EPB41L2: variants seen among roughly 807,000 people sequenced by gnomAD.
The protein encoded by EPB41L2 is band 4.1-like protein 2.
Under a neutral mutation model 113.0 loss-of-function variants are expected in EPB41L2, and 43 were observed. That is an observed-to-expected ratio of 0.38 (90% confidence interval 0.30 to 0.49). The LOEUF (loss-of-function observed/expected upper bound fraction) is 0.49, where lower values mean the gene tolerates loss of function less well. Among genes scored for constraint, EPB41L2 ranks in the 20% least tolerant of loss-of-function variants. The probability of loss-of-function intolerance (pLI) is 0.95; values close to 1 mark genes in which losing one functional copy is unlikely to be tolerated. For synonymous variants in EPB41L2, 442 were observed against 436.7 expected, an observed-to-expected ratio of 1.01 and a Z score of -0.15; for missense variants, 1,147 against 1,223.4, an observed-to-expected ratio of 0.94 and a Z score of 0.93.
In EPB41L2 at chr6:131,034,513, C is replaced by T. The variant is rs556833026; in HGVS notation, c.-15+28642G>A. 2.7e-3 allele frequency among the ~76,000 whole-genome samples: 416 copies of T among 152,264 alleles called. 1 individual carries two copies. The highest frequency in any genetic ancestry group is 4.7e-3 in the Non-Finnish European group (319 of 68,022). ...CGCCACTCCACTCCAGCCTGGGCAA[C>T]AAATTGAGACCCTGTGTCAAAAAAA... On this transcript the variant is annotated intron_variant, in intron 1 of 19. Coordinates refer to ENST00000337057, the MANE Select transcript of EPB41L2 (RefSeq NM_001431.4).
At chr6:130,967,551 CA>C (rs971503526) in intron 1 of EPB41L2, among the ~76,000 whole-genome samples, 4 of 151,938 alleles carry the variant, frequency 2.6e-5, no homozygotes, top group African/African-American at 7.2e-5. Context: ...AAGTTGGGGA[CA>C]TTTTTTTTTA....
chr6:131,005,539 A>C (rs1984054), intron 1 of EPB41L2, among the ~76,000 whole-genome samples: 131,036 of 152,200 alleles, frequency 0.86, 56,968 homozygotes, highest in East Asian at 1. Context: ...GCCAGAATCT[A>C]AAGCCAAGCC....
In EPB41L2 at chr6:130,863,063, C is replaced by A. The variant is rs187111848; in HGVS notation, c.2910+575G>T. On this transcript the variant is annotated intron_variant, in intron 18 of 19. Transcript: ENST00000337057. ...GTTCCATTCATCACCTGCTCAAAGC[C>A]ATGCATGCTGCCAAATTTAACATTA... 4.6e-5 allele frequency among the ~76,000 whole-genome samples: 7 copies of A among 152,286 alleles called. No individual in the cohort carries two copies. The East Asian group carries it at 1.3e-3, about 29-fold the overall frequency.
chr6:130,942,651 G>A (rs544780300), intron 3 of EPB41L2, among the ~76,000 whole-genome samples: 6 of 152,220 alleles, frequency 3.9e-5, no homozygotes, highest in South Asian at 2.1e-4. Context: ...TGTGCAGAAC[G>A]TGCAGGTTTG....
intron 10 of EPB41L2, among the ~76,000 whole-genome samples, chr6:130,892,860 TA>T (rs1475617509): frequency 2.6e-5 from 4 of 152,208 alleles, no homozygotes; most frequent in African/African-American, 9.6e-5. Context: ...ATACTAGTAT[TA>T]CTATCATATA....
At chr6:130,896,322 C>A (rs987554388) in intron 8 of EPB41L2, among the ~76,000 whole-genome samples, 2 of 152,220 alleles carry the variant, frequency 1.3e-5, no homozygotes, top group Non-Finnish European at 2.9e-5. Context: ...TCACCCTTAT[C>A]TTGGCAGCCA....
intron 19 of EPB41L2, among the ~76,000 whole-genome samples, chr6:130,845,690 A>C (rs760459331): frequency 6.6e-6 from 1 of 152,162 alleles, no homozygotes; most frequent in Non-Finnish European, 1.5e-5. Flanking sequence ...CTGGCACCTT[A>C]TTCTTTACCA....
intron 19 of EPB41L2, among the ~76,000 whole-genome samples, chr6:130,855,677 T>C (rs1229361946): frequency 6.6e-6 from 1 of 152,192 alleles, no homozygotes; most frequent in Non-Finnish European, 1.5e-5. Context: ...AGAAGATATA[T>C]ACAAATAGAG....
intron 1 of EPB41L2, among the ~76,000 whole-genome samples, chr6:130,989,278 A>G (rs557019267): frequency 3.3e-5 from 5 of 152,276 alleles, no homozygotes; most frequent in East Asian, 1.9e-4. Context: ...ATTCTCCCCA[A>G]TTGACTCTCT....
At position 130,919,268 on chromosome 6, in the gene EPB41L2, A is replaced by G. The variant is rs1562486287; in HGVS notation, c.810+7337T>C. Among the ~76,000 whole-genome samples, 3 of 152,178 alleles carry G rather than the reference A, an allele frequency of 2.0e-5. No individual in the cohort carries two copies. The South Asian group carries it at 6.2e-4, about 32-fold the overall frequency. ...TATAATAAGGAATTATGAATTCCTT[A>G]TTTAGCATTAGTGTCTTTCTGTCAA... is the stretch of plus-strand genomic sequence containing the variant. On this transcript the variant is annotated intron_variant, in intron 4 of 19. Transcript: ENST00000337057.
chr6:130,888,797 T>A (rs1195577140), intron 11 of EPB41L2, among the ~76,000 whole-genome samples: 1 of 152,204 alleles, frequency 6.6e-6, no homozygotes, highest in Admixed American at 6.5e-5. Context: ...ACATTAACAA[T>A]CAACTGAATT....
intron 1 of EPB41L2, among the ~76,000 whole-genome samples, chr6:131,004,110 C>T (rs953864410): frequency 6.6e-6 from 1 of 152,208 alleles, no homozygotes; most frequent in African/African-American, 2.4e-5. Context: ...CTGTGAACGA[C>T]TTGTTCTGCC....
At chr6:130,861,446 C>T (rs1396348402) in intron 18 of EPB41L2, among the ~76,000 whole-genome samples, 2 of 152,184 alleles carry the variant, frequency 1.3e-5, no homozygotes, top group African/African-American at 4.8e-5. Flanking sequence ...TGATCAACAT[C>T]GGATTTTGAC....
intron 1 of EPB41L2, among the ~76,000 whole-genome samples, chr6:130,972,703 T>C (rs1255212697): frequency 6.6e-6 from 1 of 152,066 alleles, no homozygotes; most frequent in Non-Finnish European, 1.5e-5. Context: ...TACAGCAAAG[T>C]CTTTAATGGG....
chr6:131,026,881 G>C (rs138661082), intron 1 of EPB41L2, among the ~76,000 whole-genome samples: 1 of 151,908 alleles, frequency 6.6e-6, no homozygotes, highest in Non-Finnish European at 1.5e-5. Context: ...CTCTTCCCTC[G>C]CCTTTTCTAG....
chr6:130,890,192 G>T, intron 11 of EPB41L2, 102 bp downstream of exon 11: 2 of 1,252,706 alleles, frequency 1.6e-6, no homozygotes, highest in African/African-American at 1.5e-5. Context: ...GGCTATCCCT[G>T]TAGGGTATTT....
chr6:130,943,529 T>C (rs1811622597), intron 3 of EPB41L2, among the ~76,000 whole-genome samples: 1 of 152,240 alleles, frequency 6.6e-6, no homozygotes, highest in African/African-American at 2.4e-5. Context: ...TGGCTGCCAG[T>C]GTGTAGCATG....
chr6:130,898,594 C>T (rs1795341190), intron 8 of EPB41L2, among the ~76,000 whole-genome samples: 1 of 152,124 alleles, frequency 6.6e-6, no homozygotes, highest in Admixed American at 6.5e-5. Context: ...CCAACTATAG[C>T]GATGTGCGCT....
At chr6:130,889,353 T>C (rs1380424766) in intron 11 of EPB41L2, among the ~76,000 whole-genome samples, 7 of 151,974 alleles carry the variant, frequency 4.6e-5, no homozygotes, top group African/African-American at 1.7e-4. Context: ...TTGGACCAGG[T>C]AATTTATATA....
Sources: gnomAD v4.1 joint callset for allele counts (sites outside exome capture counted in the v4.1 genomes callset) on GRCh38, gnomAD v4.1.1 for gene constraint, MANE v1.5 for transcripts, NCBI Gene and HGNC (gene_info 2026-07-23, HGNC 2026-07-21) for gene names.